THAP4: variants seen among roughly 807,000 people sequenced by gnomAD.
THAP4 encodes the protein THAP domain containing 4, also known as peroxynitrite isomerase THAP4.
THAP4 carries 18 observed loss-of-function variants against 48.1 expected under a neutral mutation model. The ratio of observed to expected loss-of-function variants is 0.37; its 90% CI spans 0.26 to 0.56. THAP4 has a LOEUF of 0.56. THAP4 is among the 20% of genes least tolerant of loss of function. THAP4 has a pLI of 0.78. For missense variants in THAP4, 656 were observed against 774.9 expected, an observed-to-expected ratio of 0.85 and a Z score of 1.82; for synonymous variants, 345 against 324.9, an observed-to-expected ratio of 1.06 and a Z score of -0.66.
At chr2:241,607,928 C>T (rs1242638252) in intron 2 of THAP4, among the ~76,000 whole-genome samples, 1 of 138,888 alleles carries the variant, frequency 7.2e-6, no homozygotes, top group Non-Finnish European at 1.5e-5. Context: ...CAGGACTGAC[C>T]CCCGGCGTCT....
At chr2:241,617,363 G>T in intron 2 of THAP4, 3 of 1,346,326 alleles carry the variant, frequency 2.2e-6, no homozygotes, top group Non-Finnish European at 2.1e-6. Context: ...TTTCCTGCAA[G>T]AAATTTAAAT....
intron 2 of THAP4, among the ~76,000 whole-genome samples, chr2:241,614,337 G>A (rs1174806418): frequency 6.6e-6 from 1 of 152,104 alleles, no homozygotes; most frequent in South Asian, 2.1e-4. Flanking sequence ...CATGGAACTA[G>A]ACAAAGAATG....
At chr2:241,615,711 T>A (rs2125087339) in intron 2 of THAP4, among the ~76,000 whole-genome samples, 1 of 152,368 alleles carries the variant, frequency 6.6e-6, no homozygotes, top group Admixed American at 6.5e-5. Context: ...CAGAGAGGGC[T>A]GGAGCCACAC....
At chr2:241,605,235 T>C (rs184187439) in intron 3 of THAP4, among the ~76,000 whole-genome samples, 1 of 152,264 alleles carries the variant, frequency 6.6e-6, no homozygotes, top group East Asian at 1.9e-4. Context: ...AATGAGATCT[T>C]CTAAAAGGGG....
chr2:241,585,912 C>CAAAAAAAAAAAAAAAA (rs1175852721), intron 5 of THAP4, among the ~76,000 whole-genome samples: 17 of 28,238 alleles, frequency 6.0e-4, no homozygotes, highest in South Asian at 1.8e-3. Flanking sequence ...GACTCCTTCT[C>CAAAAAAAAAAAAAAAA]AAAAAAAAAA....
At chr2:241,631,627 G>A (rs769769557) in intron 2 of THAP4, among the ~76,000 whole-genome samples, 4 of 151,962 alleles carry the variant, frequency 2.6e-5, no homozygotes, top group Non-Finnish European at 4.4e-5. Context: ...CATGGTACTC[G>A]GCTAATTTTT....
In THAP4 at chr2:241,604,700, G is replaced by A. The variant is rs150781999; in HGVS notation, c.1400+1614C>T. ...GCTGGGATTACAGGCGTCAGCCACC[G>A]CACCTGGCCAAGATAAACTTATTTA... On this transcript the variant is annotated intron_variant, in intron 3 of 5. Transcript: ENST00000407315. 5.1e-4 allele frequency among the ~76,000 whole-genome samples: 78 copies of A among 152,138 alleles called. 1 individual carries two copies. The highest frequency in any genetic ancestry group is 1.7e-3 in the African/African-American group (72 of 41,494).
chr2:241,630,073 A>G (rs2067538310), intron 2 of THAP4, among the ~76,000 whole-genome samples: 1 of 152,198 alleles, frequency 6.6e-6, no homozygotes, highest in South Asian at 2.1e-4. Context: ...AGTCCTTACC[A>G]TTAGACCTTA....
At chr2:241,590,958 TGAC>T (rs879506353) in intron 5 of THAP4, among the ~76,000 whole-genome samples, 2,006 of 150,984 alleles carry the variant, frequency 0.013, no homozygotes, top group Non-Finnish European at 0.015. Context: ...GCTGCTCGGC[TGAC>T]GATGATGGGC....
chr2:241,595,877 C>T (rs1056696455), intron 5 of THAP4, among the ~76,000 whole-genome samples: 1 of 152,202 alleles, frequency 6.6e-6, no homozygotes, highest in Non-Finnish European at 1.5e-5. Flanking sequence ...AGCCCCGGAA[C>T]GACCCTGGGC....
Position 241,584,970 on chromosome 2 carries a change from C to T in THAP4, c.1615-245G>A, listed in dbSNP as rs575612501. The T allele has an allele frequency of 1.6e-5, 8 of 503,772 alleles. 2 individuals carry two copies. Among genetic ancestry groups the T allele is most frequent in the South Asian group, 6.3e-5 (3 of 47,646 alleles). 31.2% of individuals were successfully genotyped at this position (503,772 alleles called of 1,614,324 possible). The stretch of plus-strand genomic sequence containing the variant: ...TTTATTTAGAAGTCACCTTTTTTGT[C>T]GACGGCCATACCACCCTGAACGCAC... On this transcript the variant is annotated intron_variant, in intron 5 of 5. Transcript: ENST00000407315.
rs1473299332 is a variant in THAP4 at position 241,584,575 on chromosome 2, G to A, written c.*31C>T. 6 of 1,613,630 alleles carry A rather than the reference G, an allele frequency of 3.7e-6. No individual in the cohort carries two copies. The highest frequency in any genetic ancestry group is 3.4e-6 in the Non-Finnish European group (4 of 1,179,642). On this transcript the variant is annotated 3_prime_UTR_variant, in exon 6 of 6. Transcript: ENST00000407315. ...CCGAACCGTTGAGGCACAGTAGCCA[G>A]GCCCTCCCGAGGGCTCCAGAAGCTC...
chr2:241,608,218 A>G (rs560764020), intron 2 of THAP4, among the ~76,000 whole-genome samples: 1 of 152,166 alleles, frequency 6.6e-6, no homozygotes, highest in African/African-American at 2.4e-5. Context: ...GGCCTGGCCC[A>G]GTGGCCGAGC....
intron 1 of THAP4, 36 bp from the exon 2 acceptor site, chr2:241,634,115 T>C (rs778013164): frequency 6.9e-7 from 1 of 1,442,776 alleles, no homozygotes; most frequent in South Asian, 1.4e-5. Flanking sequence ...TTAGAAATAA[T>C]TAAATGTCTC....
At chr2:241,587,914 T>TC (rs1271830810) in intron 5 of THAP4, among the ~76,000 whole-genome samples, 1 of 146,552 alleles carries the variant, frequency 6.8e-6, no homozygotes, top group Non-Finnish European at 1.5e-5. Flanking sequence ...AAACTCCATC[T>TC]CAAAAAAAAA....
chr2:241,625,337 T>A (rs976992393), intron 2 of THAP4, among the ~76,000 whole-genome samples: 7 of 151,802 alleles, frequency 4.6e-5, no homozygotes, highest in African/African-American at 1.5e-4. Flanking sequence ...CTAGCCAGTG[T>A]GACGGCACGT....
At chr2:241,620,063 G>GT (rs1406464142) in intron 2 of THAP4, among the ~76,000 whole-genome samples, 6 of 97,956 alleles carry the variant, frequency 6.1e-5, no homozygotes, top group Admixed American at 1.0e-4. Flanking sequence ...GGGTGAGTGA[G>GT]GGGTGAGTGA....
At position 241,606,191 on chromosome 2, in the gene THAP4, T is replaced by A. The variant is rs916197328; in HGVS notation, c.1400+123A>T. 7 of 882,814 alleles carry A rather than the reference T, an allele frequency of 7.9e-6. No individual in the cohort carries two copies. In the East Asian group the frequency reaches 1.9e-4, roughly 24 times the overall value. The allele number at this position is 882,814 out of a possible 1,614,324, so 54.7% of individuals were successfully genotyped here. On this transcript the variant is annotated intron_variant, in intron 3 of 5. Transcript: ENST00000407315. Reference sequence around the variant, plus strand: ...CAGGCAAGAGGACACCTTTCTGAAATAGATGGACAAGTTCCTTTTACACCT... The same window carrying A: ...CAGGCAAGAGGACACCTTTCTGAAAAAGATGGACAAGTTCCTTTTACACCT...
chr2:241,615,826 G>A (rs2067333678), intron 2 of THAP4, among the ~76,000 whole-genome samples: 3 of 152,264 alleles, frequency 2.0e-5, no homozygotes, highest in South Asian at 2.1e-4. Flanking sequence ...GCACATCCCC[G>A]TGCCCCAAGC....
Sources: gnomAD v4.1 joint callset for allele counts (sites outside exome capture counted in the v4.1 genomes callset) on GRCh38, gnomAD v4.1.1 for gene constraint, MANE v1.5 for transcripts, NCBI Gene and HGNC (gene_info 2026-07-23, HGNC 2026-07-21) for gene names.